Variants in NF1 observed in about 807,000 individuals in gnomAD.
NF1 encodes the protein neurofibromin 1, also known as neurofibromin.
Under a neutral mutation model 325.7 loss-of-function variants are expected in NF1, and 122 were observed. The observed-to-expected ratio is 0.37, with a 90% CI of 0.32 to 0.44. The LOEUF is 0.44. Among genes scored for constraint, NF1 ranks in the 20% least tolerant of loss-of-function variants. The pLI, the probability that NF1 is intolerant of heterozygous loss-of-function variation, is 1.00. For synonymous variants in NF1, 1,091 were observed against 1,186.0 expected (o/e 0.92, Z 1.65); for missense variants, 2,140 against 3,415.4 (o/e 0.63, Z 9.31).
At position 31,233,092 on chromosome 17, in the gene NF1, T is replaced by C. The variant is rs199474741; in HGVS notation, c.3587T>C (p.Leu1196Pro). The change falls in exon 27 of 58, where the codon CTT becomes CCT. Residue 1196 changes from leucine (L) to proline (P), a missense_variant. This residue lies in a region of NF1 where 336 missense variants were observed against 399.0 expected (regional missense o/e 0.84). Transcript: ENST00000358273. ...CAACAAGGCACAGAATTTGACACAC[T>C]TGCAGAAACAGTATTGGCTGATCGG... Reference protein sequence around the residue: ...ILQQGTEFDTLAETVLADRFE... With the variant: ...ILQQGTEFDTPAETVLADRFE... 6.2e-7 allele frequency: 1 copy of C among 1,614,170 alleles called. No homozygotes were observed.
chr17:31,255,925 A>G (rs1174304214), intron 31 of NF1, among the ~76,000 whole-genome samples: 1 of 152,174 alleles, frequency 6.6e-6, no homozygotes, highest in Non-Finnish European at 1.5e-5. Context: ...GCAGGTTAAC[A>G]TTTTATAAAC....
chr17:31,152,540 T>A (rs886454830), intron 1 of NF1, among the ~76,000 whole-genome samples: 2 of 148,898 alleles, frequency 1.3e-5, no homozygotes, highest in African/African-American at 2.5e-5. Flanking sequence ...TCCTCCTTAG[T>A]CCCCCCTTTT....
At chr17:31,197,254 G>A (rs1223376613) in intron 8 of NF1, among the ~76,000 whole-genome samples, 1 of 150,992 alleles carries the variant, frequency 6.6e-6, no homozygotes, top group Non-Finnish European at 1.5e-5. Context: ...CACCATGTTA[G>A]CCAGGATGGT....
At chr17:31,211,274 C>T (rs745682196) in intron 12 of NF1, among the ~76,000 whole-genome samples, 2 of 152,152 alleles carry the variant, frequency 1.3e-5, no homozygotes, top group African/African-American at 2.4e-5. Flanking sequence ...TCTTACATTT[C>T]TAATTAAGAA....
intron 36 of NF1, among the ~76,000 whole-genome samples, chr17:31,313,467 G>C (rs111852611): frequency 1.2e-3 from 179 of 152,218 alleles, no homozygotes; most frequent in African/African-American, 3.9e-3. Context: ...ACTTTGGGAG[G>C]CGGAGGTAAG....
chr17:31,206,126 G>T, intron 11 of NF1, 114 bp from the exon 12 acceptor site: 1 of 1,133,266 alleles, frequency 8.8e-7, no homozygotes, highest in South Asian at 1.2e-5. Context: ...GTGTTTGCAT[G>T]GTCTTAGAAA....
chr17:31,196,199 A>G (rs1328010897), intron 8 of NF1, among the ~76,000 whole-genome samples: 1 of 151,312 alleles, frequency 6.6e-6, no homozygotes, highest in Non-Finnish European at 1.5e-5. Context: ...CTCTTTCCTC[A>G]TTCACGTTTA....
intron 29 of NF1, among the ~76,000 whole-genome samples, chr17:31,247,407 A>G (rs1439532360): frequency 6.6e-6 from 1 of 152,174 alleles, no homozygotes; most frequent in African/African-American, 2.4e-5. Flanking sequence ...GGGGACATCT[A>G]GCAGTTAGAA....
intron 14 of NF1, among the ~76,000 whole-genome samples, chr17:31,220,057 A>G (rs2066895253): frequency 6.6e-6 from 1 of 152,202 alleles, no homozygotes; most frequent in Admixed American, 6.5e-5. Flanking sequence ...TCTTAAGTAT[A>G]TAGGAGTGGA....
At chr17:31,327,414 G>T (rs1180594532) in intron 37 of NF1, 85 bp from the exon 38 acceptor site, 2 of 949,640 alleles carry the variant, frequency 2.1e-6, no homozygotes, top group Non-Finnish European at 3.3e-6. Flanking sequence ...GTTTTGTTTG[G>T]TTGGTTGGTT....
chr17:31,328,460 T>C (rs1256018125), intron 38 of NF1, among the ~76,000 whole-genome samples: 2 of 152,216 alleles, frequency 1.3e-5, no homozygotes, highest in African/African-American at 2.4e-5. Flanking sequence ...TTTTCAGATA[T>C]CTAGTTTCCT....
intron 15 of NF1, chr17:31,222,546 A>C: frequency 9.8e-7 from 1 of 1,023,050 alleles, no homozygotes; most frequent in Non-Finnish European, 1.2e-6. Context: ...ATTAAACCTT[A>C]CTCTAGAGTA....
At chr17:31,304,192 T>C in intron 36 of NF1, 1 of 1,424,182 alleles carries the variant, frequency 7.0e-7, no homozygotes, top group Non-Finnish European at 9.5e-7. Flanking sequence ...TGCCATTTTA[T>C]ATATGTTAAC....
At chr17:31,188,848 C>A (rs1006154055) in intron 8 of NF1, among the ~76,000 whole-genome samples, 3 of 152,196 alleles carry the variant, frequency 2.0e-5, no homozygotes, top group Non-Finnish European at 4.4e-5. Context: ...CCTCCAGCGT[C>A]GGTCTTCAAG....
At chr17:31,153,966 G>A (rs1002182617) in intron 1 of NF1, among the ~76,000 whole-genome samples, 1 of 151,532 alleles carries the variant, frequency 6.6e-6, no homozygotes, top group African/African-American at 2.4e-5. Context: ...CACTTCTCTG[G>A]GTTTGGGAAT....
In NF1 at chr17:31,313,897, A is replaced by G; in HGVS notation, c.4836-11923A>G. 7.6e-6 allele frequency: 3 copies of G among 395,548 alleles called. No homozygotes were observed. In the East Asian group the frequency reaches 1.1e-4, roughly 14 times the overall value. 24.5% of individuals were successfully genotyped at this position (395,548 alleles called of 1,614,324 possible). A position where few individuals can be genotyped will look rare whatever the true frequency, so the allele number is the denominator to read the frequency against. Reference sequence around the variant, plus strand: ...AGACATCTTTAGACTATCAGAGTTTAAGTTTAAAACACTAATGACAGTTTT... The same window carrying G: ...AGACATCTTTAGACTATCAGAGTTTGAGTTTAAAACACTAATGACAGTTTT... On this transcript the variant is annotated intron_variant, in intron 36 of 57. Transcript: ENST00000358273.
At chr17:31,169,652 C>A (rs910980854) in intron 4 of NF1, among the ~76,000 whole-genome samples, 2 of 151,880 alleles carry the variant, frequency 1.3e-5, no homozygotes, top group Non-Finnish European at 2.9e-5. Context: ...CTCAAGAGAT[C>A]CTCCTCCCTT....
rs1328384252 is a variant in NF1, at chr17:31,253,056, T to C, written c.4173+56T>C. ...TCTTTCAAAGCAAAACAAAAATCTT[T>C]TGCTGTTTGTTAAGAATATCTTCAC... On this transcript the variant is annotated intron_variant, in intron 31 of 57. Transcript: ENST00000358273. 7.1e-6 allele frequency: 10 copies of C among 1,406,202 alleles called. No homozygotes were observed. The South Asian group carries it at 1.2e-4, about 17-fold the overall frequency. 87.1% of individuals were successfully genotyped at this position (1,406,202 alleles called of 1,614,324 possible).
At chr17:31,204,714 T>C (rs2066590260) in intron 11 of NF1, among the ~76,000 whole-genome samples, 1 of 152,114 alleles carries the variant, frequency 6.6e-6, no homozygotes, top group African/African-American at 2.4e-5. Context: ...TAGGATGTTA[T>C]ATGGGATGCC....
Sources: allele counts gnomAD v4.1 joint callset (sites outside exome capture counted in the v4.1 genomes callset), GRCh38; gene constraint gnomAD v4.1.1; regional missense constraint gnomAD v4.1.1; transcripts MANE v1.5; gene names NCBI Gene and HGNC (gene_info 2026-07-23, HGNC 2026-07-21).